The following RFPL2 variants were observed in gnomAD, a reference collection of about 807,000 sequenced individuals.
RFPL2 encodes the protein ret finger protein-like 2.
RFPL2 carries 13 observed loss-of-function variants against 17.8 expected under a neutral mutation model. That is an observed-to-expected ratio of 0.73 (90% CI 0.47 to 1.16). RFPL2 has a LOEUF of 1.16. Among genes scored for constraint, RFPL2 ranks in the 50% most tolerant of loss-of-function variants. RFPL2 has a pLI of 0.00. For synonymous variants in RFPL2, 189 were observed against 180.9 expected, an observed-to-expected ratio of 1.04 and a Z score of -0.36; for missense variants, 431 against 479.3, an observed-to-expected ratio of 0.90 and a Z score of 0.94.
At chr22:32,202,173 C>T (rs1249203635) in intron 2 of RFPL2, among the ~76,000 whole-genome samples, 160 bp downstream of exon 2, 2 of 152,044 alleles carry the variant, frequency 1.3e-5, no homozygotes, top group African/African-American at 4.8e-5. Flanking sequence ...GATCTTCTCT[C>T]CCCCCACTTT....
chr22:32,191,627 T>A (rs974951019), intron 4 of RFPL2, among the ~76,000 whole-genome samples: 3 of 152,062 alleles, frequency 2.0e-5, no homozygotes, highest in Non-Finnish European at 4.4e-5. Context: ...GAGTGGAGGG[T>A]CTTTGAAGGC....
chr22:32,192,980 GCC>G lies in RFPL2; in HGVS notation c.476_477del (p.Arg159ThrfsTer44). 6.2e-7 allele frequency: 1 copy of G among 1,614,212 alleles called. No individual in the cohort carries two copies. Among genetic ancestry groups the G allele is most frequent in the South Asian group, 1.1e-5 (1 of 91,078 alleles). ...TCCAGTTCCTTGATGTGGGAAGCCA[GCC>G]TCTCTAGCTGCCGATTGCGCCTGAT... ...NKIRRNRQLE[R>X]LASHIKELEP... On this transcript the variant is annotated frameshift_variant, in exon 4 of 5. Transcript: ENST00000652607. LOFTEE classifies it high-confidence loss of function.
intron 2 of RFPL2, among the ~76,000 whole-genome samples, chr22:32,198,355 C>A (rs1200959336): frequency 6.6e-6 from 1 of 152,092 alleles, no homozygotes; most frequent in Admixed American, 6.5e-5. Flanking sequence ...CCTGTCATTG[C>A]ATGCATGGGG....
intron 2 of RFPL2, among the ~76,000 whole-genome samples, chr22:32,200,612 C>T (rs1923818010): frequency 6.6e-6 from 1 of 152,086 alleles, no homozygotes; most frequent in Non-Finnish European, 1.5e-5. Flanking sequence ...CCCCCAATTG[C>T]TGCCTCCTTC....
intron 2 of RFPL2, 112 bp from the exon 3 acceptor site, chr22:32,194,602 G>A (rs3986029): frequency 3.5e-6 from 4 of 1,146,186 alleles, no homozygotes; most frequent in South Asian, 2.9e-5. Context: ...TCATATGAAG[G>A]TAAGATTAAA....
intron 2 of RFPL2, among the ~76,000 whole-genome samples, chr22:32,202,016 C>T (rs1923963963): frequency 6.6e-6 from 1 of 152,216 alleles, no homozygotes. Flanking sequence ...CTGCTAAGAT[C>T]AGGGTGCCAG....
At chr22:32,201,274 G>T (rs1050463665) in intron 2 of RFPL2, among the ~76,000 whole-genome samples, 2 of 152,082 alleles carry the variant, frequency 1.3e-5, no homozygotes, top group African/African-American at 4.8e-5. Flanking sequence ...TCCTGACCTC[G>T]TGATCTGCCT....
Position 32,191,055 on chromosome 22 carries a change from C to G in RFPL2, c.854G>C (p.Gly285Ala), listed in dbSNP as rs1603198836. The change falls in exon 5 of 5, where the codon GGC becomes GCC. Residue 285 changes from glycine (G) to alanine (A), a missense_variant. Transcript: ENST00000652607. ...GFWTVSLRDG[G>A]RLSATTVPLT... Reference sequence around the variant, plus strand: ...CGGCACCGTGGTGGCAGAGAGGCGGCCTCCATCCCTCAAACTCACAGTCCA... The same window carrying G: ...CGGCACCGTGGTGGCAGAGAGGCGGGCTCCATCCCTCAAACTCACAGTCCA... 1 of 1,613,958 alleles carries G rather than the reference C, an allele frequency of 6.2e-7. No homozygotes were observed. The highest frequency in any genetic ancestry group is 2.2e-5 in the East Asian group (1 of 44,888).
chr22:32,204,714 T>A lies in RFPL2; in HGVS notation c.-107A>T, dbSNP rs916549963. 2.0e-5 allele frequency among the ~76,000 whole-genome samples: 3 copies of A among 152,180 alleles called. No homozygotes were observed. Among genetic ancestry groups the A allele is most frequent in the African/African-American group, 4.8e-5 (2 of 41,460 alleles). ...GGTGACTCCTCCTCTAACCTGGGCA[T>A]GGAGCAGATGGGCTGGCAGACGCAG... On this transcript the variant is annotated 5_prime_UTR_variant, in exon 1 of 5. It removes an upstream start codon present in the reference 5' UTR. Coordinates refer to ENST00000652607, the MANE Select transcript of RFPL2 (RefSeq NM_001394555.1).
At chr22:32,191,469 C>T in intron 4 of RFPL2, 117 bp from the exon 5 acceptor site, 5 of 1,314,012 alleles carry the variant, frequency 3.8e-6, no homozygotes, top group South Asian at 3.0e-5. Flanking sequence ...TCTTCTTCCC[C>T]CAAAATCCAA....
intron 4 of RFPL2, 62 bp downstream of exon 4, chr22:32,192,840 C>A: frequency 1.3e-6 from 2 of 1,538,470 alleles, no homozygotes; most frequent in African/African-American, 1.4e-5. Context: ...GAGGGGCCAA[C>A]TGCACAAATG....
At position 32,204,887 on chromosome 22, in the gene RFPL2, C is replaced by T. The variant is rs748629202; in HGVS notation, c.-280G>A. 6.6e-6 allele frequency among the ~76,000 whole-genome samples: 1 copy of T among 152,208 alleles called. No homozygotes were observed. The highest frequency in any genetic ancestry group is 2.4e-5 in the African/African-American group (1 of 41,456). On this transcript the variant is annotated 5_prime_UTR_variant, in exon 1 of 5. Transcript: ENST00000652607. ...TTTTCACGTTCTGACTGGATGACAG[C>T]AAGTCTTAGGATAACCAATCAGAAC... is the stretch of plus-strand genomic sequence containing the variant.
At chr22:32,199,907 G>A (rs568480987) in intron 2 of RFPL2, 7 of 442,024 alleles carry the variant, frequency 1.6e-5, no homozygotes, top group East Asian at 5.4e-5. Flanking sequence ...CCTGCCGCTC[G>A]CCCACTCACA....
At chr22:32,200,550 G>T (rs1923811956) in intron 2 of RFPL2, among the ~76,000 whole-genome samples, 1 of 152,070 alleles carries the variant, frequency 6.6e-6, no homozygotes, top group African/African-American at 2.4e-5. Context: ...TTTGGTCATT[G>T]AACACCTCTC....
chr22:32,192,249 C>A lies in RFPL2; in HGVS notation c.556+653G>T, dbSNP rs1035206430. 3.1e-4 allele frequency among the ~76,000 whole-genome samples: 47 copies of A among 152,254 alleles called. 1 individual carries two copies. The highest frequency in any genetic ancestry group is 3.9e-4 in the East Asian group (2 of 5,182). ...ACCATTTATAGGTGTAATTCTGTGC[C>A]CAGGCTGACCATAATCTCTTCATGT... is the stretch of plus-strand genomic sequence containing the variant. On this transcript the variant is annotated intron_variant, in intron 4 of 4. Transcript: ENST00000652607.
intron 1 of RFPL2, among the ~76,000 whole-genome samples, 185 bp downstream of exon 1, chr22:32,204,522 C>T (rs55866220): frequency 0.01 from 1,583 of 152,326 alleles, 44 homozygotes; most frequent in African/African-American, 0.037. Context: ...GATCGTGCAT[C>T]CAACCTGTCC....
At chr22:32,194,153 C>A (rs1923058453) in intron 3 of RFPL2, among the ~76,000 whole-genome samples, 192 bp downstream of exon 3, 1 of 152,000 alleles carries the variant, frequency 6.6e-6, no homozygotes, top group Non-Finnish European at 1.5e-5. Flanking sequence ...GAAGTGAATA[C>A]CAAATTGACT....
intron 3 of RFPL2, chr22:32,193,571 G>C: frequency 8.7e-7 from 1 of 1,152,938 alleles, no homozygotes. Context: ...TAAGAATTAG[G>C]GGCTGGGAGG....
Position 32,193,156 on chromosome 22 carries a change from C to G in RFPL2, c.302G>C (p.Cys101Ser), listed in dbSNP as rs1422526701. The G allele has an allele frequency of 6.2e-7, 1 of 1,613,978 alleles. No individual in the cohort carries two copies. Among genetic ancestry groups the G allele is most frequent in the Non-Finnish European group, 8.5e-7 (1 of 1,179,880 alleles). Residue 101 changes from cysteine to serine, a missense_variant, in exon 4 of 5, where the codon TGT becomes TCT. By Grantham distance (112) the Cys-to-Ser change is moderately radical. Transcript: ENST00000652607. ...TTCCAGATAGTCTGAGCAGACGGGA[C>G]AGCTGCTTGCTTCTTGGAAGAGTGC... Reference protein sequence around the residue: ...MAALFQEASSCPVCSDYLEKP... With the variant: ...MAALFQEASSSPVCSDYLEKP...
Sources: gnomAD v4.1 joint callset for allele counts (sites outside exome capture counted in the v4.1 genomes callset) on GRCh38, gnomAD v4.1.1 for gene constraint, MANE v1.5 for transcripts, NCBI Gene and HGNC (gene_info 2026-07-23, HGNC 2026-07-21) for gene names.